SPADH: variants seen among roughly 807,000 people sequenced by gnomAD.
SPADH encodes CUB domain-containing protein.
At chr10:122,677,577 A>C in the SPADH span, among the ~76,000 whole-genome samples, 15 of 152,230 alleles carry the variant, frequency 9.9e-5, no homozygotes, top group African/African-American at 3.6e-4. Context: ...AAGTTACTGC[A>C]TTGATATCCC....
chr10:122,675,764 C>A, the SPADH span: 3 of 349,604 alleles, frequency 8.6e-6, no homozygotes, highest in African/African-American at 2.2e-5. Context: ...GAGAAGGGCA[C>A]GTACCAGGGA....
At chr10:122,675,624 T>A in the SPADH span, 6 of 982,602 alleles carry the variant, frequency 6.1e-6, no homozygotes, top group East Asian at 6.8e-4. Flanking sequence ...TTTTTTTTGT[T>A]TTGTTTTGTC....
the SPADH span, among the ~76,000 whole-genome samples, chr10:122,678,588 G>A: frequency 6.6e-6 from 1 of 152,196 alleles, no homozygotes; most frequent in Non-Finnish European, 1.5e-5. Context: ...CTCCCTGGAA[G>A]ACATGGAAAC....
chr10:122,674,907 TGGGACAGTTAACCA>T, the SPADH span, among the ~76,000 whole-genome samples: 1 of 152,318 alleles, frequency 6.6e-6, no homozygotes, highest in South Asian at 2.1e-4. Context: ...TCTAGGCTGC[TGGGACAGTTAACCA>T]GGGACATCTG....
At chr10:122,676,695 C>A in the SPADH span, 8 of 983,280 alleles carry the variant, frequency 8.1e-6, no homozygotes, top group Admixed American at 6.1e-5. Flanking sequence ...TGGAATGACA[C>A]AAGCCAATCC....
At chr10:122,677,969 G>A in the SPADH span, among the ~76,000 whole-genome samples, 2 of 152,182 alleles carry the variant, frequency 1.3e-5, no homozygotes, top group Admixed American at 6.5e-5. Flanking sequence ...GGGATGGGCG[G>A]CTGTGGACAT....
the SPADH span, among the ~76,000 whole-genome samples, chr10:122,674,022 G>A: frequency 6.6e-6 from 1 of 152,196 alleles, no homozygotes; most frequent in Non-Finnish European, 1.5e-5. Context: ...CTGGTCATAG[G>A]AACCCTAACA....
At chr10:122,678,958 C>A in the SPADH span, 3 of 984,612 alleles carry the variant, frequency 3.0e-6, no homozygotes, top group African/African-American at 5.2e-5. Context: ...CTTCTTCCAA[C>A]ATCATCACCA....
the SPADH span, among the ~76,000 whole-genome samples, chr10:122,675,088 C>G: frequency 6.6e-6 from 1 of 152,206 alleles, no homozygotes; most frequent in African/African-American, 2.4e-5. Flanking sequence ...ATAAACATGG[C>G]TCACTTCTAC....
At chr10:122,678,156 C>T in the SPADH span, among the ~76,000 whole-genome samples, 4 of 152,114 alleles carry the variant, frequency 2.6e-5, no homozygotes, top group East Asian at 1.9e-4. Flanking sequence ...TCCAGCCCCT[C>T]CTTGTGAACT....
the SPADH span, among the ~76,000 whole-genome samples, chr10:122,673,945 A>G: frequency 2.0e-5 from 3 of 152,142 alleles, no homozygotes; most frequent in Non-Finnish European, 4.4e-5. Flanking sequence ...GCCCATCTAC[A>G]TTTCCAACTC....
At chr10:122,679,141 T>A in the SPADH span, 190 of 393,884 alleles carry the variant, frequency 4.8e-4, no homozygotes, top group Non-Finnish European at 5.9e-4. Flanking sequence ...TACCTGGGAC[T>A]GCAGAAATAA....
chr10:122,674,133 G>A, the SPADH span, among the ~76,000 whole-genome samples: 1 of 152,250 alleles, frequency 6.6e-6, no homozygotes, highest in Non-Finnish European at 1.5e-5. Context: ...GAGAGGTGCT[G>A]AGCTTAAATG....
the SPADH span, among the ~76,000 whole-genome samples, chr10:122,674,571 A>G: frequency 6.6e-6 from 1 of 152,232 alleles, no homozygotes; most frequent in Non-Finnish European, 1.5e-5. Context: ...CTTTGCACCC[A>G]CAAAGGACCA....
chr10:122,678,390 G>A, the SPADH span, among the ~76,000 whole-genome samples: 2 of 152,218 alleles, frequency 1.3e-5, no homozygotes, highest in Non-Finnish European at 2.9e-5. Flanking sequence ...TCTGCCAGGG[G>A]AAAGGAAGGC....
At chr10:122,678,291 G>T in the SPADH span, among the ~76,000 whole-genome samples, 1 of 152,142 alleles carries the variant, frequency 6.6e-6, no homozygotes, top group African/African-American at 2.4e-5. Flanking sequence ...CTCACAGGAT[G>T]GAGATAGAGA....
the SPADH span, among the ~76,000 whole-genome samples, chr10:122,674,338 G>A: frequency 6.6e-6 from 1 of 152,244 alleles, no homozygotes. Context: ...GAAAGCTTGT[G>A]TGGTTAGTGA....
the SPADH span, among the ~76,000 whole-genome samples, chr10:122,674,979 C>T: frequency 6.6e-6 from 1 of 152,310 alleles, no homozygotes; most frequent in Admixed American, 6.5e-5. Flanking sequence ...TGACAATGAT[C>T]CCAGTGTCAC....
the SPADH span, chr10:122,678,931 C>T: frequency 1.4e-5 from 14 of 983,952 alleles, no homozygotes; most frequent in African/African-American, 2.1e-4. Flanking sequence ...GTAAAGCCTT[C>T]AGTACATTCT....
Sources: gnomAD v4.1 joint callset for allele counts (sites outside exome capture counted in the v4.1 genomes callset) on GRCh38, gnomAD v4.1.1 for gene constraint, MANE v1.5 for transcripts, NCBI Gene and HGNC (gene_info 2026-07-23, HGNC 2026-07-21) for gene names.